The following BICRA variants were observed in gnomAD, a reference collection of about 807,000 sequenced individuals.
The protein encoded by BICRA is BRD4-interacting chromatin-remodeling complex-associated protein.
A neutral mutation model predicts 96.9 loss-of-function variants in BICRA; 31 were observed. The observed-to-expected ratio is 0.32, with a 90% CI of 0.24 to 0.43. BICRA has a LOEUF of 0.43. BICRA is among the 20% of genes least tolerant of loss of function. BICRA has a pLI of 1.00. For missense variants in BICRA, 2,283 were observed against 2,190.3 expected (o/e 1.04, Z -0.84); for synonymous variants, 1,350 against 1,071.8 (o/e 1.26, Z -5.07).
intron 1 of BICRA, among the ~76,000 whole-genome samples, chr19:47,637,181 G>T (rs529469088): frequency 6.6e-6 from 1 of 152,142 alleles, no homozygotes; most frequent in African/African-American, 2.4e-5. Context: ...GTGCAGTGGT[G>T]CAATCTCGGC....
chr19:47,654,518 G>A (rs1972586008), intron 1 of BICRA, among the ~76,000 whole-genome samples: 1 of 151,876 alleles, frequency 6.6e-6, no homozygotes, highest in South Asian at 2.1e-4. Flanking sequence ...GTCTCGTTCT[G>A]TCACCCAGGC....
In BICRA at chr19:47,681,255, C is replaced by A. The variant is rs1356872753; in HGVS notation, c.2085C>A (p.Ser695=). 2 of 1,539,656 alleles carry A rather than the reference C, an allele frequency of 1.3e-6. No homozygotes were observed. The highest frequency in any genetic ancestry group is 1.7e-6 in the Non-Finnish European group (2 of 1,148,614). The change falls in exon 6 of 15, where the codon TCC becomes TCA. Residue 695 remains serine, a synonymous_variant. Coordinates refer to ENST00000594866, the MANE Select transcript of BICRA (RefSeq NM_001394372.1). ...CCACGGCCATCCTCACTCAGGACTC[C>A]CTGCAGATGTTCCTGCCCCAGGTAA... ...ATPTAILTQD[S]LQMFLPQERS...
At chr19:47,614,101 T>C (rs1324937360) in intron 1 of BICRA, among the ~76,000 whole-genome samples, 2 of 152,064 alleles carry the variant, frequency 1.3e-5, no homozygotes, top group African/African-American at 4.8e-5. Context: ...TGGGGTTTCA[T>C]TCATTCTGTC....
At chr19:47,652,869 A>C (rs1039595304) in intron 1 of BICRA, among the ~76,000 whole-genome samples, 16 of 152,104 alleles carry the variant, frequency 1.1e-4, no homozygotes, top group Non-Finnish European at 1.6e-4. Flanking sequence ...AGGCATTGAA[A>C]AGCATTCAGA....
At chr19:47,683,685 C>T (rs1599854039) in intron 7 of BICRA, among the ~76,000 whole-genome samples, 1 of 151,696 alleles carries the variant, frequency 6.6e-6, no homozygotes, top group Non-Finnish European at 1.5e-5. Context: ...CTCGGGTTCA[C>T]GCCATTCTCC....
intron 1 of BICRA, among the ~76,000 whole-genome samples, chr19:47,648,301 C>G (rs1029415161): frequency 6.6e-6 from 1 of 151,936 alleles, no homozygotes; most frequent in African/African-American, 2.4e-5. Flanking sequence ...TTCTGGTCGG[C>G]CTGTGGATGT....
intron 1 of BICRA, among the ~76,000 whole-genome samples, chr19:47,666,653 C>T (rs1188403183): frequency 6.6e-6 from 1 of 152,048 alleles, no homozygotes; most frequent in African/African-American, 2.4e-5. Flanking sequence ...TTCACTGCAG[C>T]CTTGGCCTCT....
At chr19:47,678,829 C>A (rs771064420) in intron 5 of BICRA, 6 of 210,926 alleles carry the variant, frequency 2.8e-5, no homozygotes, top group Non-Finnish European at 5.6e-5. Context: ...CTTGGCAGAG[C>A]TGGGATTTGA....
At chr19:47,684,263 A>G (rs1973111623) in intron 7 of BICRA, among the ~76,000 whole-genome samples, 1 of 151,994 alleles carries the variant, frequency 6.6e-6, no homozygotes, top group Non-Finnish European at 1.5e-5. Context: ...GCTCGCTGCA[A>G]TCTCCACCTC....
intron 4 of BICRA, among the ~76,000 whole-genome samples, chr19:47,674,688 C>G (rs927386428): frequency 2.0e-5 from 3 of 152,178 alleles, no homozygotes; most frequent in Admixed American, 1.3e-4. Flanking sequence ...TCCACCAGGA[C>G]TCATTCCTGT....
At chr19:47,683,381 G>A (rs1599853712) in intron 7 of BICRA, among the ~76,000 whole-genome samples, 1 of 151,890 alleles carries the variant, frequency 6.6e-6, no homozygotes, top group Non-Finnish European at 1.5e-5. Context: ...GAATGAGGTC[G>A]GGCAGATTTT....
chr19:47,678,510 C>A (rs995344837), intron 5 of BICRA, among the ~76,000 whole-genome samples: 1 of 152,166 alleles, frequency 6.6e-6, no homozygotes, highest in Non-Finnish European at 1.5e-5. Context: ...GATGCAGGAT[C>A]ACGTTGGGCG....
chr19:47,691,439 A>T (rs1015344384), intron 7 of BICRA, among the ~76,000 whole-genome samples: 4 of 152,216 alleles, frequency 2.6e-5, no homozygotes, highest in Non-Finnish European at 4.4e-5. Flanking sequence ...ACCCATTGTC[A>T]GCCTTTTGCT....
intron 7 of BICRA, among the ~76,000 whole-genome samples, chr19:47,693,143 A>G (rs1298696469): frequency 2.0e-5 from 3 of 152,258 alleles, no homozygotes; most frequent in Non-Finnish European, 4.4e-5. Context: ...TGTGACAGCA[A>G]GTATCACGGT....
intron 1 of BICRA, among the ~76,000 whole-genome samples, chr19:47,620,631 C>T (rs1318125071): frequency 1.5e-5 from 2 of 131,944 alleles, no homozygotes; most frequent in African/African-American, 5.7e-5. Context: ...GATCATACCA[C>T]TGCACTTTAG....
rs181879499 is a variant in BICRA, at chr19:47,690,705, C to G, written c.2284-3410C>G. 1.0e-3 allele frequency among the ~76,000 whole-genome samples: 154 copies of G among 152,114 alleles called. 1 individual carries two copies. The highest frequency in any genetic ancestry group is 3.3e-3 in the Admixed American group (50 of 15,256). On this transcript the variant is annotated intron_variant, in intron 7 of 14. Transcript: ENST00000594866. The stretch of plus-strand genomic sequence containing the variant: ...TAATTCTTAGTGATTTCTAGAGTCT[C>G]TCTATATATGAGAGAGATGAACTTT...
chr19:47,664,365 CATT>C (rs1972745340), intron 1 of BICRA, among the ~76,000 whole-genome samples: 1 of 152,176 alleles, frequency 6.6e-6, no homozygotes, highest in Admixed American at 6.6e-5. Context: ...GACACTGTGT[CATT>C]GTTGCGTCAT....
chr19:47,681,980 G>T lies in BICRA; in HGVS notation c.2111G>T (p.Arg704Met). 6.4e-7 allele frequency: 1 copy of T among 1,561,950 alleles called. No individual in the cohort carries two copies. The highest frequency in any genetic ancestry group is 8.6e-7 in the Non-Finnish European group (1 of 1,159,260). ...TGTGCGGGCTGCCCGTTGCAGGAGA[G>T]GAGCCAGCAGCCCCTCTCCGCAGAG... ...DSLQMFLPQE[R>M]SQQPLSAEGP... Residue 704 changes from arginine to methionine, a missense_variant, in exon 7 of 15, where the codon AGG becomes ATG. Arg to Met is a moderately conservative substitution (Grantham distance 91, BLOSUM62 -1). Transcript: ENST00000594866.
chr19:47,634,282 G>A (rs1286315344), intron 1 of BICRA, among the ~76,000 whole-genome samples: 1 of 152,188 alleles, frequency 6.6e-6, no homozygotes, highest in Non-Finnish European at 1.5e-5. Flanking sequence ...GCTGGGATGA[G>A]GGAGGAAGGG....
Sources: allele counts gnomAD v4.1 joint callset (sites outside exome capture counted in the v4.1 genomes callset), GRCh38; gene constraint gnomAD v4.1.1; transcripts MANE v1.5; gene names NCBI Gene and HGNC (gene_info 2026-07-23, HGNC 2026-07-21).